GLE1: variants seen among roughly 807,000 people sequenced by gnomAD.
GLE1 encodes the protein GLE1 RNA export mediator.
GLE1 carries 78 observed loss-of-function variants against 97.3 expected under a neutral mutation model. That is an observed-to-expected ratio of 0.80 (90% CI 0.67 to 0.97). The LOEUF (loss-of-function observed/expected upper bound fraction) is 0.97, where lower values mean the gene tolerates loss of function less well. GLE1 is among the 50% of genes least tolerant of loss of function. The probability of loss-of-function intolerance (pLI) is 0.00; values close to 1 mark genes in which losing one functional copy is unlikely to be tolerated. For synonymous variants in GLE1, 302 were observed against 313.4 expected (o/e 0.96, Z 0.39); for missense variants, 753 against 857.5 (o/e 0.88, Z 1.52).
At chr9:128,536,513 T>C in intron 12 of GLE1, 29 bp downstream of exon 12, 1 of 1,600,324 alleles carries the variant, frequency 6.2e-7, no homozygotes, top group Non-Finnish European at 8.6e-7. Context: ...CTGTCAATAA[T>C]GAGAGGTTAG....
chr9:128,539,564 G>A (rs971588767), intron 13 of GLE1, 52 bp from the exon 14 acceptor site: 11 of 1,493,850 alleles, frequency 7.4e-6, no homozygotes, highest in African/African-American at 4.1e-5. Context: ...AATCTGTCCT[G>A]TGAGTGTGAA....
At chr9:128,528,752 T>G (rs1007893714) in intron 9 of GLE1, 2 of 152,330 alleles carry the variant, frequency 1.3e-5, no homozygotes, top group Middle Eastern at 3.4e-3. Context: ...CATTAGCTTT[T>G]CCAAATTACT....
intron 2 of GLE1, among the ~76,000 whole-genome samples, chr9:128,514,721 AGTAGAGACAGG>A (rs1846929541): frequency 6.6e-6 from 1 of 152,056 alleles, no homozygotes; most frequent in African/African-American, 2.4e-5. Context: ...GTGTATGTTT[AGTAGAGACAGG>A]GTTTCACCAT....
chr9:128,519,137 TGAA>T (rs1353777711), intron 3 of GLE1, among the ~76,000 whole-genome samples: 1 of 152,202 alleles, frequency 6.6e-6, no homozygotes, highest in Non-Finnish European at 1.5e-5. Context: ...TCCTGTCAGC[TGAA>T]GAGGATGTAT....
At chr9:128,537,011 T>C (rs1041669449) in intron 12 of GLE1, 2 of 166,700 alleles carry the variant, frequency 1.2e-5, no homozygotes, top group Non-Finnish European at 2.6e-5. Flanking sequence ...ATGCCTGCTG[T>C]GTCCCAGGTT....
intron 3 of GLE1, among the ~76,000 whole-genome samples, chr9:128,517,115 C>T (rs1847011918): frequency 6.6e-6 from 1 of 151,594 alleles, no homozygotes; most frequent in Non-Finnish European, 1.5e-5. Flanking sequence ...CATGGCGAAA[C>T]CCCATCTCTA....
intron 3 of GLE1, among the ~76,000 whole-genome samples, chr9:128,517,425 A>G (rs1226428714): frequency 2.6e-5 from 4 of 152,374 alleles, no homozygotes; most frequent in African/African-American, 7.2e-5. Context: ...CATTATAGAC[A>G]TAGAGCTTAT....
At position 128,525,403 on chromosome 9, in the gene GLE1, C is replaced by T. The variant is rs147123899; in HGVS notation, c.1109C>T (p.Pro370Leu). 359 of 1,604,656 alleles carry T rather than the reference C, an allele frequency of 2.2e-4. No individual in the cohort carries two copies. Among genetic ancestry groups the T allele is most frequent in the Non-Finnish European group, 2.8e-4 (326 of 1,174,878 alleles). The stretch of plus-strand genomic sequence containing the variant: ...GAGCCCCCAGCTCCCAGCCAGGGCC[C>T]AGGAGGGAAACAGAATGAAGGTGGG... ...HKEPPAPSQG[P>L]GGKQNEDLQV... is the part of the protein sequence containing the mutation. Residue 370 changes from proline (P) to leucine (L), a missense_variant, in exon 7 of 16, where the codon CCA (proline) becomes CTA (leucine). Transcript: ENST00000309971.
Position 128,539,684 on chromosome 9 carries a change from G to A in GLE1, c.1950G>A (p.Glu650=). ...QFWKMLILIK[E]DYFPRIEAIT... is the part of the protein sequence containing the mutation. ...GGAAGATGCTAATTCTCATCAAAGA[G>A]GACTACTTTCCCAGGTATCAGGCTT... Residue 650 remains glutamate (E), a synonymous_variant, in exon 14 of 16, where the codon GAG becomes GAA. Transcript: ENST00000309971. 6.2e-7 allele frequency: 1 copy of A among 1,612,692 alleles called. No individual in the cohort carries two copies. The highest frequency in any genetic ancestry group is 1.1e-5 in the South Asian group (1 of 91,052).
chr9:128,533,431 A>T, intron 9 of GLE1, 82 bp from the exon 10 acceptor site: 1 of 395,268 alleles, frequency 2.5e-6, no homozygotes, highest in Non-Finnish European at 3.7e-6. Flanking sequence ...CTGTCTCAAA[A>T]AAAAAAAAAA....
At chr9:128,536,630 G>C in intron 12 of GLE1, 146 bp downstream of exon 12, 1 of 723,856 alleles carries the variant, frequency 1.4e-6, no homozygotes, top group African/African-American at 1.7e-5. Flanking sequence ...ATTATGTAGA[G>C]GACTGAATGT....
intron 13 of GLE1, among the ~76,000 whole-genome samples, chr9:128,539,361 C>T (rs768121506): frequency 1.8e-4 from 28 of 152,172 alleles, no homozygotes; most frequent in African/African-American, 2.9e-4. Context: ...TTTAGGAAGG[C>T]GTCCATTCAT....
intron 1 of GLE1, among the ~76,000 whole-genome samples, chr9:128,505,804 C>G (rs1199233318): frequency 6.6e-6 from 1 of 152,192 alleles, no homozygotes; most frequent in Non-Finnish European, 1.5e-5. Flanking sequence ...ATACCAGTAT[C>G]CTTTTTTCTG....
At chr9:128,538,114 A>G (rs374953715) in intron 13 of GLE1, 24 bp downstream of exon 13, 29 of 1,250,204 alleles carry the variant, frequency 2.3e-5, no homozygotes, top group Middle Eastern at 1.9e-4. Flanking sequence ...TTATCACACA[A>G]GAGAAGGCCA....
In GLE1 at chr9:128,525,382, C is replaced by T. The variant is rs1300840583; in HGVS notation, c.1088C>T (p.Pro363Leu). Residue 363 changes from proline to leucine, a missense_variant, in exon 7 of 16, where the codon CCC becomes CTC. Transcript: ENST00000309971. Reference sequence around the variant, plus strand: ...CAGGGACCAGAGGCCCACAAAGAGCCCCCAGCTCCCAGCCAGGGCCCAGGA... The same window carrying T: ...CAGGGACCAGAGGCCCACAAAGAGCTCCCAGCTCCCAGCCAGGGCCCAGGA... ...MQQGPEAHKE[P>L]PAPSQGPGGK... The T allele has an allele frequency of 1.9e-6, 3 of 1,611,266 alleles. No homozygotes were observed. In the African/African-American group the frequency reaches 4.0e-5, roughly 21 times the overall value.
chr9:128,527,601 A>T (rs1847340229), intron 9 of GLE1, 76 bp downstream of exon 9: 1 of 893,944 alleles, frequency 1.1e-6, no homozygotes, highest in South Asian at 1.3e-5. Flanking sequence ...ATGTATCTGT[A>T]AGGTTCCTAT....
chr9:128,507,943 G>GCTGAGGCGGGTGGATCGC (rs1032352480), intron 1 of GLE1, among the ~76,000 whole-genome samples: 2 of 151,964 alleles, frequency 1.3e-5, no homozygotes, highest in African/African-American at 4.8e-5. Flanking sequence ...ACTTTGGGAG[G>GCTGAGGCGGGTGGATCGC]CTGAGGCGGG....
rs566668914 is a variant in GLE1, at chr9:128,520,346, GTATA to G, written c.433-2318_433-2315del. Among the ~76,000 whole-genome samples the G allele has an allele frequency of 2.4e-4, 35 of 147,610 alleles. No homozygotes were observed. In the South Asian group the frequency reaches 5.1e-3, roughly 22 times the overall value. On this transcript the variant is annotated intron_variant, in intron 3 of 15. Coordinates refer to ENST00000309971, the MANE Select transcript of GLE1 (RefSeq NM_001003722.2). ...TATATGTGTGTATATGTGTATATGT[GTATA>G]TATGTATGTGTGTATATATGTATAT...
intron 2 of GLE1, 137 bp from the exon 3 acceptor site, chr9:128,515,392 C>T (rs1846951765): frequency 3.0e-6 from 2 of 658,838 alleles, no homozygotes; most frequent in Admixed American, 4.6e-5. Flanking sequence ...CTAGTTCTGA[C>T]CTAAATTTTT....
Sources: gnomAD v4.1 joint callset for allele counts (sites outside exome capture counted in the v4.1 genomes callset) on GRCh38, gnomAD v4.1.1 for gene constraint, MANE v1.5 for transcripts, NCBI Gene and HGNC (gene_info 2026-07-23, HGNC 2026-07-21) for gene names.